Variants in FAM13A observed in about 807,000 individuals in gnomAD.
The protein encoded by FAM13A is protein FAM13A.
Under a neutral mutation model 129.6 loss-of-function variants are expected in FAM13A, and 76 were observed. The ratio of observed to expected loss-of-function variants is 0.59; its 90% CI spans 0.49 to 0.71. The LOEUF is 0.71. FAM13A is among the 30% of genes least tolerant of loss of function. The probability of loss-of-function intolerance (pLI) is 0.00; values close to 1 mark genes in which losing one functional copy is unlikely to be tolerated. For missense variants in FAM13A, 1,108 were observed against 1,249.3 expected, an observed-to-expected ratio of 0.89 and a Z score of 1.70; for synonymous variants, 443 against 449.9, an observed-to-expected ratio of 0.98 and a Z score of 0.20.
At chr4:88,814,581 A>G (rs1730328255) in intron 7 of FAM13A, among the ~76,000 whole-genome samples, 1 of 152,192 alleles carries the variant, frequency 6.6e-6, no homozygotes, top group Non-Finnish European at 1.5e-5. Context: ...AGTCACTTAT[A>G]AAAATAAAAC....
chr4:88,965,725 C>G (rs1275029672), intron 4 of FAM13A, among the ~76,000 whole-genome samples: 1 of 152,020 alleles, frequency 6.6e-6, no homozygotes, highest in Non-Finnish European at 1.5e-5. Flanking sequence ...TCTCCTTTTT[C>G]CACTCCCCCA....
chr4:88,918,422 T>G (rs942914170), intron 5 of FAM13A, among the ~76,000 whole-genome samples: 1 of 152,210 alleles, frequency 6.6e-6, no homozygotes, highest in Non-Finnish European at 1.5e-5. Context: ...AGAGTATGAG[T>G]AACTTGTCTA....
intron 1 of FAM13A, among the ~76,000 whole-genome samples, chr4:89,056,538 A>G (rs1772213003): frequency 6.6e-6 from 1 of 152,228 alleles, no homozygotes; most frequent in African/African-American, 2.4e-5. Context: ...TGTCACACAC[A>G]TACTCAAAAG....
At chr4:89,020,353 G>A in intron 3 of FAM13A, 107 bp downstream of exon 3, 6 of 678,462 alleles carry the variant, frequency 8.8e-6, no homozygotes, top group Non-Finnish European at 7.0e-6. Context: ...CTGGCTTCAA[G>A]CAATCTTTCT....
intron 5 of FAM13A, among the ~76,000 whole-genome samples, chr4:88,916,218 A>G (rs1750096341): frequency 6.6e-6 from 1 of 152,162 alleles, no homozygotes; most frequent in Non-Finnish European, 1.5e-5. Context: ...AAATTATTCC[A>G]TTTCAGGTAT....
At chr4:88,909,524 G>T (rs185033696) in intron 5 of FAM13A, among the ~76,000 whole-genome samples, 4 of 151,696 alleles carry the variant, frequency 2.6e-5, no homozygotes, top group African/African-American at 9.7e-5. Flanking sequence ...GTCTCGCTCT[G>T]TTGCCAGGCT....
chr4:88,752,312 C>CAG (rs1742788431), intron 14 of FAM13A, among the ~76,000 whole-genome samples: 2 of 152,266 alleles, frequency 1.3e-5, no homozygotes. Context: ...TCCTGACTTC[C>CAG]AGATCAGTGC....
chr4:88,837,671 T>C (rs574255269), intron 7 of FAM13A, among the ~76,000 whole-genome samples: 58 of 128,838 alleles, frequency 4.5e-4, no homozygotes, highest in Admixed American at 1.5e-3. Flanking sequence ...TGAGCCGAGA[T>C]GACACCATTG....
At chr4:88,756,942 T>A (rs1398730334) in intron 14 of FAM13A, among the ~76,000 whole-genome samples, 5 of 152,040 alleles carry the variant, frequency 3.3e-5, no homozygotes, top group African/African-American at 1.2e-4. Flanking sequence ...AACGCAGTAA[T>A]GGCAAAACAA....
chr4:88,966,383 A>G (rs1395377332), intron 4 of FAM13A, among the ~76,000 whole-genome samples: 2 of 152,110 alleles, frequency 1.3e-5, no homozygotes, highest in Non-Finnish European at 2.9e-5. Context: ...GGCAGGGACT[A>G]TGTTCTAGGC....
intron 8 of FAM13A, among the ~76,000 whole-genome samples, chr4:88,796,047 A>G (rs998962975): frequency 6.6e-6 from 1 of 151,680 alleles, no homozygotes; most frequent in African/African-American, 2.4e-5. Flanking sequence ...TTCTTTTATT[A>G]TTAATGAATT....
intron 1 of FAM13A, among the ~76,000 whole-genome samples, chr4:89,032,552 C>A (rs1334411693): frequency 6.6e-6 from 1 of 152,180 alleles, no homozygotes; most frequent in Non-Finnish European, 1.5e-5. Flanking sequence ...TCAAAAAGGG[C>A]TGTGCCTAGA....
intron 5 of FAM13A, 121 bp from the exon 6 acceptor site, chr4:88,906,583 A>G: frequency 4.5e-6 from 3 of 663,192 alleles, no homozygotes; most frequent in Non-Finnish European, 5.2e-6. Context: ...TGTTCACATC[A>G]GAAGCTGGTG....
In FAM13A at chr4:88,822,933, C is replaced by CA. The variant is rs200756724; in HGVS notation, c.1008-17882dup. ...CAAAGTTATATGGCTTGATACAACT[C>CA]AAAAAATACATAGCAGAATAAAATA... On this transcript the variant is annotated intron_variant, in intron 7 of 23. Transcript: ENST00000264344. 718 of 1,604,818 alleles carry CA rather than the reference C, an allele frequency of 4.5e-4. 3 individuals are homozygous for CA. The African/African-American group carries it at 7.7e-3, about 17-fold the overall frequency.
At position 88,747,003 on chromosome 4, in the gene FAM13A, C is replaced by T; in HGVS notation, c.2395G>A (p.Asp799Asn). The T allele has an allele frequency of 6.2e-7, 1 of 1,610,774 alleles. No homozygotes were observed. Residue 799 changes from aspartate to asparagine, a missense_variant, in exon 19 of 24, where the codon GAC becomes AAC. Asp to Asn is a conservative substitution (Grantham distance 23). Transcript: ENST00000264344. ...RPEDIKDMTK[D>N]QIANEKVALQ... ...GCCACTTTCTCATTAGCAATCTGGT[C>T]TTTGGTCATATCCTGTATAAACACA...
At chr4:88,792,458 C>A (rs1725370079) in intron 8 of FAM13A, among the ~76,000 whole-genome samples, 1 of 152,080 alleles carries the variant, frequency 6.6e-6, no homozygotes, top group African/African-American at 2.4e-5. Context: ...CCTCACAATG[C>A]CTGTTATTCA....
chr4:88,913,788 T>C (rs1209877335), intron 5 of FAM13A, among the ~76,000 whole-genome samples: 1 of 152,134 alleles, frequency 6.6e-6, no homozygotes, highest in Non-Finnish European at 1.5e-5. Flanking sequence ...ATACTACCAA[T>C]ATATAATGTT....
chr4:88,846,770 G>C (rs1736712040), intron 7 of FAM13A, among the ~76,000 whole-genome samples: 3 of 152,148 alleles, frequency 2.0e-5, no homozygotes, highest in Non-Finnish European at 4.4e-5. Context: ...TTTAAGACTA[G>C]GACAAATAAT....
chr4:88,909,539 T>C (rs1395964477), intron 5 of FAM13A, among the ~76,000 whole-genome samples: 1 of 151,614 alleles, frequency 6.6e-6, no homozygotes, highest in African/African-American at 2.4e-5. Flanking sequence ...CAGGCTGGAG[T>C]GCAGTGGCGT....
Sources: allele counts gnomAD v4.1 joint callset (sites outside exome capture counted in the v4.1 genomes callset), GRCh38; gene constraint gnomAD v4.1.1; transcripts MANE v1.5; gene names NCBI Gene and HGNC (gene_info 2026-07-23, HGNC 2026-07-21).